Variants in DNAJC13 observed in about 807,000 individuals in gnomAD.
DNAJC13 encodes dnaJ homolog subfamily C member 13.
DNAJC13 carries 75 observed loss-of-function variants against 290.5 expected under a neutral mutation model. The ratio of observed to expected loss-of-function variants is 0.26; its 90% confidence interval spans 0.21 to 0.31. The LOEUF (loss-of-function observed/expected upper bound fraction) is 0.31. Ranked by LOEUF, DNAJC13 falls within the 10% of genes least tolerant of loss-of-function variation. The pLI is 1.00. For synonymous variants in DNAJC13, 862 were observed against 892.0 expected (o/e 0.97, Z 0.60); for missense variants, 2,260 against 2,674.5 (o/e 0.85, Z 3.42).
intron 34 of DNAJC13, 50 bp from the exon 35 acceptor site, chr3:132,495,038 T>G (rs1380794906): frequency 7.6e-7 from 1 of 1,311,744 alleles, no homozygotes; most frequent in Admixed American, 1.8e-5. Flanking sequence ...TTGTAAATTA[T>G]TTTTTCTTGT....
At chr3:132,472,617 T>C (rs1001829300) in intron 20 of DNAJC13, 3 of 983,530 alleles carry the variant, frequency 3.1e-6, no homozygotes, top group Non-Finnish European at 3.6e-6. Flanking sequence ...TTAAGCTGCC[T>C]GGCATGTGGA....
In DNAJC13 at chr3:132,495,166, G is replaced by A; in HGVS notation, c.4020G>A (p.Arg1340=). Reference sequence around the variant, plus strand: ...ACCCTGATAAGAATCCAGAAGGGAGGGTATGTACTGCTGTTGGAATTCAGG... The same window carrying A: ...ACCCTGATAAGAATCCAGAAGGGAGAGTATGTACTGCTGTTGGAATTCAGG... The part of the protein sequence containing the change: ...KYHPDKNPEG[R]DMFEKVNKAY... Residue 1340 remains arginine, a splice_region_variant and synonymous_variant, in exon 35 of 56, where the codon AGG becomes AGA. Transcript: ENST00000260818. The A allele has an allele frequency of 6.2e-7, 1 of 1,612,072 alleles. No homozygotes were observed. Among genetic ancestry groups the A allele is most frequent in the South Asian group, 1.1e-5 (1 of 90,912 alleles).
chr3:132,537,139 A>G (rs1260270368), intron 55 of DNAJC13: 1 of 455,970 alleles, frequency 2.2e-6, no homozygotes. Flanking sequence ...TGCTGCTTAT[A>G]TTTCTTTTTT....
At chr3:132,501,947 C>T (rs564285521) in intron 39 of DNAJC13, among the ~76,000 whole-genome samples, 23 of 152,214 alleles carry the variant, frequency 1.5e-4, no homozygotes, top group African/African-American at 5.3e-4. Context: ...CAAAATATGT[C>T]GTTACATTTA....
chr3:132,449,100 A>G (rs1195689320), intron 5 of DNAJC13, among the ~76,000 whole-genome samples: 1 of 152,164 alleles, frequency 6.6e-6, no homozygotes, highest in African/African-American at 2.4e-5. Context: ...ACCTGATTTT[A>G]CATCAGGAGT....
rs372257861 is a variant in DNAJC13 at position 132,492,604 on chromosome 3, A to G, written c.3814A>G (p.Ile1272Val). Residue 1272 changes from isoleucine to valine, a missense_variant, in exon 33 of 56, where the codon ATT becomes GTT. By Grantham distance (29) the Ile-to-Val change is conservative (BLOSUM62 3). This residue lies in a region of DNAJC13 where 1,494 missense variants were observed against 1,693.7 expected (regional missense o/e 0.88). Transcript: ENST00000260818. ...TACACTCCGGTTTCCAGATTGGCCA[A>G]TTAAAGACCCGGTAAGTCAGCAGTT... ...CDTLRFPDWP[I>V]KDPVKLLKDT... 56 of 1,613,470 alleles carry G rather than the reference A, an allele frequency of 3.5e-5. 1 individual carries two copies. Among genetic ancestry groups the G allele is most frequent in the East Asian group, 2.2e-4 (10 of 44,868 alleles).
chr3:132,465,988 T>G lies in DNAJC13; in HGVS notation c.1893-7T>G. On this transcript the variant is annotated splice_polypyrimidine_tract_variant and splice_region_variant and intron_variant, in intron 17 of 55. Transcript: ENST00000260818. ...AGCAAACCTTTCTCAACGTCTGCTT[T>G]TTTCAGACAGCTAAGTAGACATTTA... 1 of 1,611,746 alleles carries G rather than the reference T, an allele frequency of 6.2e-7. No homozygotes were observed. Among genetic ancestry groups the G allele is most frequent in the Non-Finnish European group, 8.5e-7 (1 of 1,178,186 alleles).
intron 33 of DNAJC13, 57 bp downstream of exon 33, chr3:132,492,672 T>C: frequency 2.7e-6 from 4 of 1,493,692 alleles, no homozygotes; most frequent in Non-Finnish European, 3.7e-6. Flanking sequence ...CTCTAAACAC[T>C]TCTGGGTATT....
Position 132,516,719 on chromosome 3 carries a change from T to C in DNAJC13, c.5576T>C (p.Leu1859Ser). The part of the protein sequence containing the change: ...EAMAKGALIY[L>S]LDMFCNSTHP... ...TCCTTCATAGGTGCTTTGATCTATT[T>C]ACTGGATATGTTCTGCAATTCAACA... Residue 1859 changes from leucine to serine, a missense_variant, in exon 48 of 56, where the codon TTA becomes TCA. Leu to Ser is a moderately radical substitution (Grantham distance 145). Around this residue, in one of 3 missense-constraint regions of DNAJC13, gnomAD observed 1,494 missense variants for 1,693.7 expected, o/e 0.88. Coordinates refer to ENST00000260818, the MANE Select transcript of DNAJC13 (RefSeq NM_015268.4). The C allele has an allele frequency of 6.2e-7, 1 of 1,612,730 alleles. No homozygotes were observed. The highest frequency in any genetic ancestry group is 1.1e-5 in the South Asian group (1 of 90,638).
At chr3:132,464,050 C>T (rs549661744) in intron 17 of DNAJC13, among the ~76,000 whole-genome samples, 1 of 152,192 alleles carries the variant, frequency 6.6e-6, no homozygotes, top group East Asian at 1.9e-4. Context: ...ATTATCAGGC[C>T]CTGACACCAT....
Position 132,532,195 on chromosome 3 carries a change from AATT to A in DNAJC13, c.6625+1101_6625+1103del, listed in dbSNP as rs571501888. On this transcript the variant is annotated intron_variant, in intron 55 of 55. Transcript: ENST00000260818. ...CCAAAGATGATAAACTAAGAGAAAAAATTATCACCCAGGGTTTCTAAGCCATTG... is the reference window on the plus strand; with the variant it reads ...CCAAAGATGATAAACTAAGAGAAAAAATCACCCAGGGTTTCTAAGCCATTG... Among the ~76,000 whole-genome samples, 885 of 152,326 alleles carry A rather than the reference AATT, an allele frequency of 5.8e-3. 4 individuals are homozygous for A. Among genetic ancestry groups the A allele is most frequent in the Non-Finnish European group, 9.5e-3 (643 of 68,034 alleles).
intron 34 of DNAJC13, 29 bp from the exon 35 acceptor site, chr3:132,495,059 A>T: frequency 6.5e-7 from 1 of 1,532,198 alleles, no homozygotes; most frequent in Non-Finnish European, 9.0e-7. Context: ...GCCTTACTAT[A>T]CTCATAAAAC....
chr3:132,522,600 T>G (rs1936124506), intron 48 of DNAJC13, among the ~76,000 whole-genome samples: 1 of 152,130 alleles, frequency 6.6e-6, no homozygotes, highest in South Asian at 2.1e-4. Flanking sequence ...ACAGAGAAAA[T>G]GAAACTTGAT....
intron 21 of DNAJC13, 38 bp from the exon 22 acceptor site, chr3:132,474,894 A>G (rs779645033): frequency 1.8e-6 from 2 of 1,090,016 alleles, no homozygotes; most frequent in African/African-American, 4.1e-5. Flanking sequence ...TAAAATGCTT[A>G]GTGCATCCTG....
rs768662545 is a variant in DNAJC13 at position 132,450,773 on chromosome 3, A to C, written c.463A>C (p.Asn155His). 1.5e-5 allele frequency: 24 copies of C among 1,610,316 alleles called. No individual in the cohort carries two copies. The highest frequency in any genetic ancestry group is 2.0e-5 in the Non-Finnish European group (24 of 1,176,874). Residue 155 changes from asparagine to histidine, a missense_variant, in exon 6 of 56, where the codon AAT (asparagine) becomes CAT (histidine). Transcript: ENST00000260818. ...NRVLCSYDYR[N>H]IEGFVDLSDY... ...AGTACTCTGTTCCTATGACTATAGA[A>C]ATATTGAAGGATTTGTAGATCTCTC...
intron 39 of DNAJC13, among the ~76,000 whole-genome samples, chr3:132,501,609 TG>T (rs1207306967): frequency 6.6e-6 from 1 of 151,268 alleles, no homozygotes; most frequent in Admixed American, 6.6e-5. Context: ...ATGTAAAACC[TG>T]AAAACTAGAG....
chr3:132,462,427 C>A (rs763350000), intron 15 of DNAJC13, 40 bp from the exon 16 acceptor site: 40 of 1,573,910 alleles, frequency 2.5e-5, no homozygotes, highest in African/African-American at 1.4e-5. Flanking sequence ...GAATAAAATT[C>A]TTTTTTATTT....
At chr3:132,537,185 G>C (rs1238857960) in intron 55 of DNAJC13, 5 of 456,110 alleles carry the variant, frequency 1.1e-5, no homozygotes, top group Non-Finnish European at 2.2e-5. Flanking sequence ...CTAACTGGCA[G>C]CAGCCCCCTT....
At chr3:132,447,555 T>C in intron 4 of DNAJC13, 85 bp downstream of exon 4, 1 of 1,296,518 alleles carries the variant, frequency 7.7e-7, no homozygotes, top group Non-Finnish European at 1.0e-6. Context: ...GAAATTAATG[T>C]TCTCTGCCCC....
Sources: allele counts gnomAD v4.1 joint callset (sites outside exome capture counted in the v4.1 genomes callset), GRCh38; gene constraint gnomAD v4.1.1; regional missense constraint gnomAD v4.1.1; transcripts MANE v1.5; gene names NCBI Gene and HGNC (gene_info 2026-07-23, HGNC 2026-07-21).